Variants in ACADM observed in about 807,000 individuals in gnomAD.
The protein encoded by ACADM is medium-chain specific acyl-CoA dehydrogenase, mitochondrial.
ACADM carries 49 observed loss-of-function variants against 58.9 expected under a neutral mutation model. That is an observed-to-expected ratio of 0.83 (90% CI 0.66 to 1.06). The LOEUF (loss-of-function observed/expected upper bound fraction) is 1.06, where lower values mean the gene tolerates loss of function less well. ACADM is among the 50% of genes least tolerant of loss of function. The pLI, the probability that ACADM is intolerant of heterozygous loss-of-function variation, is 0.00. For synonymous variants in ACADM, 160 were observed against 157.7 expected (o/e 1.01, Z -0.11); for missense variants, 496 against 507.0 (o/e 0.98, Z 0.21).
chr1:75,728,420 G>T lies in ACADM; in HGVS notation c.50G>T (p.Arg17Leu). ...RCCRVLRSIS[R>L]FHWRSQHTKA... ...TTACAGGTCCTGAGAAGTATTTCTC[G>T]TTTTCATTGGAGATCACAGCATACA... Residue 17 changes from arginine (R) to leucine (L), a missense_variant, in exon 2 of 12, where the codon CGT becomes CTT. Physicochemically the swap from Arg to Leu is moderately radical, Grantham distance 102 (BLOSUM62 -2). Transcript: ENST00000370841. The T allele has an allele frequency of 1.9e-6, 3 of 1,613,056 alleles. No individual in the cohort carries two copies. The highest frequency in any genetic ancestry group is 1.7e-6 in the Non-Finnish European group (2 of 1,179,466).
chr1:75,744,085 C>T, intron 7 of ACADM: 1 of 1,588,376 alleles, frequency 6.3e-7, no homozygotes, highest in Non-Finnish European at 8.7e-7. Flanking sequence ...CAATGCACTG[C>T]CGCATCCTGT....
At chr1:75,740,368 G>A (rs1570877332) in intron 7 of ACADM, among the ~76,000 whole-genome samples, 1 of 152,144 alleles carries the variant, frequency 6.6e-6, no homozygotes, top group East Asian at 1.9e-4. Context: ...TGATTAGGAA[G>A]GCTAGCACTC....
chr1:75,760,977 T>G, intron 10 of ACADM, 145 bp from the exon 11 acceptor site: 1 of 747,084 alleles, frequency 1.3e-6, no homozygotes, highest in South Asian at 1.8e-5. Context: ...GAGGCCTAAG[T>G]AGGAGGATTG....
At chr1:75,728,633 TCACACTCC>T in intron 2 of ACADM, 145 bp downstream of exon 2, 1 of 636,062 alleles carries the variant, frequency 1.6e-6, no homozygotes, top group Non-Finnish European at 2.8e-6. Context: ...TTACAATAAC[TCACACTCC>T]ATTCTTCCTG....
chr1:75,744,705 G>A (rs1435426641), intron 7 of ACADM: 3 of 776,098 alleles, frequency 3.9e-6, no homozygotes, highest in African/African-American at 3.4e-5. Flanking sequence ...TCCCTAGAGG[G>A]CAGTTCCCCT....
intron 1 of ACADM, 26 bp from the exon 2 acceptor site, chr1:75,728,375 T>C: frequency 6.3e-7 from 1 of 1,580,702 alleles, no homozygotes; most frequent in South Asian, 1.1e-5. Flanking sequence ...TTATCAAATT[T>C]ATTTTAATAA....
intron 10 of ACADM, among the ~76,000 whole-genome samples, chr1:75,760,125 A>G (rs927677404): frequency 2.0e-5 from 3 of 151,596 alleles, no homozygotes. Context: ...CTCTATTTAA[A>G]AAGAAAAAAA....
At chr1:75,745,537 ACTG>A in intron 7 of ACADM, 5 of 453,938 alleles carry the variant, frequency 1.1e-5, no homozygotes, top group Non-Finnish European at 2.0e-5. Flanking sequence ...TATCATATAT[ACTG>A]TACTGCGGGT....
chr1:75,725,688 A>G (rs902047307), intron 1 of ACADM, among the ~76,000 whole-genome samples: 2 of 152,248 alleles, frequency 1.3e-5, no homozygotes, highest in African/African-American at 4.8e-5. Flanking sequence ...AAAGTGTTCA[A>G]TTCTAGTGGT....
intron 8 of ACADM, among the ~76,000 whole-genome samples, chr1:75,747,431 G>A (rs1391334924): frequency 1.3e-5 from 2 of 152,146 alleles, no homozygotes; most frequent in East Asian, 1.9e-4. Context: ...ATTATATTGT[G>A]TATATTTAAG....
chr1:75,745,489 A>C (rs1045649949), intron 7 of ACADM: 2 of 278,410 alleles, frequency 7.2e-6, no homozygotes, highest in East Asian at 8.1e-5. Flanking sequence ...TTGTCTAAAA[A>C]AAAAAAGTTA....
chr1:75,725,194 T>A (rs1647030595), intron 1 of ACADM, among the ~76,000 whole-genome samples: 1 of 152,084 alleles, frequency 6.6e-6, no homozygotes, highest in Non-Finnish European at 1.5e-5. Context: ...TTGAAATACT[T>A]AATGTTTAAT....
At chr1:75,728,966 T>C (rs56322662) in intron 2 of ACADM, among the ~76,000 whole-genome samples, 7,452 of 152,246 alleles carry the variant, frequency 0.049, 275 homozygotes, top group African/African-American at 0.11. Flanking sequence ...TTTTTTCCTC[T>C]GCCCTCTATA....
At chr1:75,739,345 A>G (rs1216708676) in intron 6 of ACADM, among the ~76,000 whole-genome samples, 1 of 152,196 alleles carries the variant, frequency 6.6e-6, no homozygotes, top group Non-Finnish European at 1.5e-5. Context: ...GTTTCCCCAT[A>G]TCCTAATTTA....
At position 75,745,822 on chromosome 1, in the gene ACADM, C is replaced by T. The variant is rs373715782; in HGVS notation, c.616C>T (p.Arg206Cys). 45 of 1,613,298 alleles carry T rather than the reference C, an allele frequency of 2.8e-5. No homozygotes were observed. Among genetic ancestry groups the T allele is most frequent in the Admixed American group, 3.3e-5 (2 of 59,972 alleles). The change falls in exon 8 of 12, where the codon CGT becomes TGT. Residue 206 changes from arginine (R) to cysteine (C), a missense_variant. Physicochemically the swap from Arg to Cys is radical, Grantham distance 180. Coordinates refer to ENST00000370841, the MANE Select transcript of ACADM (RefSeq NM_000016.6). ...ATCTCTTAGGTATTTTTTATTGGCA[C>T]GTTCTGATCCAGATCCTAAAGCTCC... is the stretch of plus-strand genomic sequence containing the variant. Reference protein sequence around the residue: ...GKANWYFLLARSDPDPKAPAN... With the variant: ...GKANWYFLLACSDPDPKAPAN...
At chr1:75,757,110 A>G (rs1313888813) in intron 10 of ACADM, among the ~76,000 whole-genome samples, 1 of 152,210 alleles carries the variant, frequency 6.6e-6, no homozygotes, top group African/African-American at 2.4e-5. Context: ...GAACCCTAGA[A>G]GAAAACCTAG....
intron 10 of ACADM, among the ~76,000 whole-genome samples, chr1:75,755,882 T>G (rs1648477785): frequency 6.6e-6 from 1 of 152,204 alleles, no homozygotes. Flanking sequence ...CACGATCAAG[T>G]CAGCTTTCTC....
rs775020164 is a variant in ACADM at position 75,762,703 on chromosome 1, T to C, written c.1206T>C (p.Gly402=). 10 of 1,603,562 alleles carry C rather than the reference T, an allele frequency of 6.2e-6. No homozygotes were observed. The highest frequency in any genetic ancestry group is 1.3e-5 in the African/African-American group (1 of 74,670). ...TATTTTTCTTGCAGATTTATGAAGG[T>C]ACTTCACAAATTCAAAGACTTATTG... ...RDAKIYQIYE[G]TSQIQRLIVA... is the part of the protein sequence containing the mutation. The change falls in exon 12 of 12, where the codon GGT becomes GGC. Residue 402 remains glycine, a synonymous_variant. Coordinates refer to ENST00000370841, the MANE Select transcript of ACADM (RefSeq NM_000016.6).
intron 2 of ACADM, among the ~76,000 whole-genome samples, chr1:75,730,509 A>G (rs1280696480): frequency 2.6e-5 from 4 of 151,958 alleles, no homozygotes; most frequent in African/African-American, 4.8e-5. Context: ...TAGTTTCTCA[A>G]TAAATAATAC....
Sources: allele counts gnomAD v4.1 joint callset (sites outside exome capture counted in the v4.1 genomes callset), GRCh38; gene constraint gnomAD v4.1.1; transcripts MANE v1.5; gene names NCBI Gene and HGNC (gene_info 2026-07-23, HGNC 2026-07-21).